SLC9A3: variants seen among roughly 807,000 people sequenced by gnomAD.
The protein encoded by SLC9A3 is sodium/hydrogen exchanger 3.
A neutral mutation model predicts 86.8 loss-of-function variants in SLC9A3; 37 were observed. The ratio of observed to expected loss-of-function variants is 0.43; its 90% CI spans 0.33 to 0.56. The LOEUF is 0.56. Ranked by LOEUF, SLC9A3 falls within the 20% of genes least tolerant of loss-of-function variation. SLC9A3 has a pLI of 0.06. For missense variants in SLC9A3, 1,011 were observed against 1,171.9 expected (o/e 0.86, Z 2.00); for synonymous variants, 581 against 528.3 (o/e 1.10, Z -1.37).
intron 1 of SLC9A3, among the ~76,000 whole-genome samples, chr5:523,604 TAAAAAAAAA>T (rs1280162903): frequency 2.8e-5 from 3 of 108,274 alleles, no homozygotes; most frequent in East Asian, 2.6e-4. Context: ...CGGGATTTTC[TAAAAAAAAA>T]AAAAAAAAAG....
Position 491,369 on chromosome 5 carries a change from C to T in SLC9A3, c.514+400G>A, listed in dbSNP as rs925811433. ...CTCCGGCTGTGGCTGCAGCGGTGGC[C>T]GAGCGGCTCCGGCACACAGGCTGGG... On this transcript the variant is annotated intron_variant, in intron 2 of 16. Transcript: ENST00000264938. The surrounding 1 kb of genome is among the most constrained non-coding windows in gnomAD (Gnocchi z 9.2). Among the ~76,000 whole-genome samples, 7 of 152,112 alleles carry T rather than the reference C, an allele frequency of 4.6e-5. No homozygotes were observed. The highest frequency in any genetic ancestry group is 1.9e-4 in the East Asian group (1 of 5,192).
rs1368832405 is a variant in SLC9A3, at chr5:473,330, A to G, written c.*49T>C. On this transcript the variant is annotated 3_prime_UTR_variant, in exon 17 of 17. Coordinates refer to ENST00000264938, the MANE Select transcript of SLC9A3 (RefSeq NM_004174.4). ...GGACAGCGGCGGCGGCGGTGGGCGGACCGTGGCGCGGGGACGAGCGGCCGG... is the reference window on the plus strand; with the variant it reads ...GGACAGCGGCGGCGGCGGTGGGCGGGCCGTGGCGCGGGGACGAGCGGCCGG... 11 of 1,406,834 alleles carry G rather than the reference A, an allele frequency of 7.8e-6. No individual in the cohort carries two copies. Among genetic ancestry groups the G allele is most frequent in the African/African-American group, 6.0e-5 (4 of 66,766 alleles). The allele number at this position is 1,406,834 out of a possible 1,614,324, so 87.1% of individuals were successfully genotyped here. A position where few individuals can be genotyped will look rare whatever the true frequency, so the allele number is the denominator to read the frequency against.
In SLC9A3 at chr5:480,289, G is replaced by A. The variant is rs529793790; in HGVS notation, c.1518-324C>T. On this transcript the variant is annotated intron_variant, in intron 9 of 16. Transcript: ENST00000264938. ...GCACCTTCAGGTGCACAGGAGGAAG[G>A]GCAGGGGCGGACAGACACCCTGAGC... The A allele has an allele frequency of 8.3e-5, 23 of 277,636 alleles. 1 individual carries two copies. The South Asian group carries it at 1.1e-3, about 13-fold the overall frequency. The allele number at this position is 277,636 out of a possible 1,614,324, so 17.2% of individuals were successfully genotyped here.
Position 482,678 on chromosome 5 carries a change from A to G in SLC9A3, c.1226T>C (p.Leu409Pro). The G allele has an allele frequency of 1.2e-6, 2 of 1,612,572 alleles. No individual in the cohort carries two copies. The highest frequency in any genetic ancestry group is 1.7e-6 in the Non-Finnish European group (2 of 1,179,850). ...VQLEPIDQVV[L>P]SYGGLRGAVA... The stretch of plus-strand genomic sequence containing the variant: ...GGCCCCGCGCAGGCCCCCGTAGGAC[A>G]GGACCACCTGGTCAATGGGCTCCAG... Residue 409 changes from leucine to proline, a missense_variant, in exon 7 of 17, where the codon CTG (leucine) becomes CCG (proline). This residue lies in a region of SLC9A3 where 565 missense variants were observed against 790.0 expected (regional missense o/e 0.72). Coordinates refer to ENST00000264938, the MANE Select transcript of SLC9A3 (RefSeq NM_004174.4).
At position 481,615 on chromosome 5, in the gene SLC9A3, C is replaced by T. The variant is rs146433621; in HGVS notation, c.1467G>A (p.Ser489=). The T allele has an allele frequency of 2.6e-4, 416 of 1,614,006 alleles. No homozygotes were observed. In the African/African-American group the frequency reaches 4.3e-3, roughly 17 times the overall value. Residue 489 remains serine, a synonymous_variant, in exon 9 of 17, where the codon TCG becomes TCA. Transcript: ENST00000264938. ...TCTGTCCGGATATGTCCTCGATGGC[C>T]GAGAGGATGTGGTCGAAAGCCTTTC... ...LHGRAFDHIL[S]AIEDISGQIG... is the part of the protein sequence containing the mutation.
At chr5:507,972 G>A (rs1042990835) in intron 1 of SLC9A3, among the ~76,000 whole-genome samples, 5 of 150,162 alleles carry the variant, frequency 3.3e-5, no homozygotes, top group Non-Finnish European at 5.9e-5. Context: ...CCACCCCACA[G>A]ACGCCCGAAT....
Position 524,143 on chromosome 5 carries a change from G to A in SLC9A3, c.180C>T (p.Leu60=). 1.3e-6 allele frequency: 2 copies of A among 1,537,994 alleles called. No homozygotes were observed. Among genetic ancestry groups the A allele is most frequent in the Non-Finnish European group, 1.7e-6 (2 of 1,144,250 alleles). The stretch of plus-strand genomic sequence containing the variant: ...TGGCCAAGCTGGCCACGAGGATCCA[G>A]AGCGCGATGACGTAGGGATCCTGCA... ...AHVQDPYVIA[L]WILVASLAKI... The change falls in exon 1 of 17, where the codon CTC becomes CTT. Residue 60 remains leucine, a synonymous_variant. Transcript: ENST00000264938.
Position 497,402 on chromosome 5 carries a change from C to A in SLC9A3, c.212-5331G>T, listed in dbSNP as rs1466788625. Among the ~76,000 whole-genome samples, 3 of 152,160 alleles carry A rather than the reference C, an allele frequency of 2.0e-5. No individual in the cohort carries two copies. The highest frequency in any genetic ancestry group is 2.0e-4 in the Admixed American group (3 of 15,268). On this transcript the variant is annotated intron_variant, in intron 1 of 16. Coordinates refer to ENST00000264938, the MANE Select transcript of SLC9A3 (RefSeq NM_004174.4). This position sits in a 1 kb window ranked among gnomAD's most constrained non-coding sequence, Gnocchi z 5.4. ...TCTTCCCTTGACAGCTGGCGTCCAC[C>A]CTCGAGCATTTGCGAATGTCAGGCT... is the stretch of plus-strand genomic sequence containing the variant.
rs1315257940 is a variant in SLC9A3, at chr5:507,092, AT to A, written c.212-15022del. The stretch of plus-strand genomic sequence containing the variant: ...ACTGTCTCAAAAAATAAATAAATAA[AT>A]AAATAAATAAATAAATAAATAAATA... On this transcript the variant is annotated intron_variant, in intron 1 of 16. Transcript: ENST00000264938. Among the ~76,000 whole-genome samples the A allele has an allele frequency of 3.3e-4, 46 of 139,948 alleles. 1 individual carries two copies. Among genetic ancestry groups the A allele is most frequent in the South Asian group, 1.9e-3 (9 of 4,664 alleles). 91.8% of individuals were successfully genotyped at this position (139,948 alleles called of 152,430 possible). A position where few individuals can be genotyped will look rare whatever the true frequency, so the allele number is the denominator to read the frequency against.
At chr5:518,776 G>A (rs1733805856) in intron 1 of SLC9A3, among the ~76,000 whole-genome samples, 1 of 152,190 alleles carries the variant, frequency 6.6e-6, no homozygotes, top group Admixed American at 6.5e-5. Flanking sequence ...TAACAAGCCT[G>A]TGTGGTCACA....
chr5:485,736 G>A (rs1413029925), intron 3 of SLC9A3, among the ~76,000 whole-genome samples: 1 of 152,248 alleles, frequency 6.6e-6, no homozygotes, highest in Non-Finnish European at 1.5e-5. Flanking sequence ...CGTCCTGGGT[G>A]GGCCGAGGCC....
chr5:520,206 C>T (rs531502205), intron 1 of SLC9A3, among the ~76,000 whole-genome samples: 19 of 152,318 alleles, frequency 1.2e-4, no homozygotes, highest in Middle Eastern at 3.4e-3. Context: ...ACCTCCTGTG[C>T]GTCCACGACC....
chr5:475,718 T>A, intron 14 of SLC9A3, 47 bp from the exon 15 acceptor site: 1 of 1,057,112 alleles, frequency 9.5e-7, no homozygotes, highest in Non-Finnish European at 1.4e-6. Context: ...TGGGGGGCTG[T>A]CCTCACAGCC....
In SLC9A3 at chr5:476,073, T is replaced by C. The variant is rs372062509; in HGVS notation, c.2087A>G (p.Asn696Ser). Residue 696 changes from asparagine to serine, a missense_variant, in exon 14 of 17, where the codon AAT becomes AGT. This residue lies in a region of SLC9A3 where 397 missense variants were observed against 346.3 expected (regional missense o/e 1.15). Transcript: ENST00000264938. ...AGGGCTCTCCATGGGCAGCTTCCCA[T>C]TGGGGATGCTGCTGTTTCTCTGCGG... Reference protein sequence around the residue: ...AQKRRNSSIPNGKLPMESPAQ... With the variant: ...AQKRRNSSIPSGKLPMESPAQ... The C allele has an allele frequency of 6.2e-5, 100 of 1,613,346 alleles. No homozygotes were observed. Among genetic ancestry groups the C allele is most frequent in the Admixed American group, 1.0e-4 (6 of 59,992 alleles).
intron 16 of SLC9A3, 140 bp from the exon 17 acceptor site, chr5:473,522 G>A (rs1738519217): frequency 1.6e-6 from 1 of 640,674 alleles, no homozygotes; most frequent in Non-Finnish European, 2.2e-6. Flanking sequence ...GGCGTCCGCT[G>A]GGGCCTCCTC....
intron 1 of SLC9A3, among the ~76,000 whole-genome samples, chr5:522,215 T>C (rs914607361): frequency 2.0e-5 from 3 of 152,224 alleles, no homozygotes; most frequent in Non-Finnish European, 4.4e-5. Flanking sequence ...GGGGAGTTGC[T>C]GCTGGAGCCG....
chr5:473,242 T>TGGGCG lies in SLC9A3; in HGVS notation c.*132_*136dup, dbSNP rs1738494128. 3 of 976,402 alleles carry TGGGCG rather than the reference T, an allele frequency of 3.1e-6. No individual in the cohort carries two copies. Among genetic ancestry groups the TGGGCG allele is most frequent in the East Asian group, 3.4e-5 (1 of 29,150 alleles). The allele number at this position is 976,402 out of a possible 1,614,324, so 60.5% of individuals were successfully genotyped here. ...TCGGAGTTCTGCGCAGGCGCTGGCGTGGGCGAGGCGGGGCTCGGGGCTCGC... is the reference window on the plus strand; with the variant it reads ...TCGGAGTTCTGCGCAGGCGCTGGCGTGGGCGGGGCGAGGCGGGGCTCGGGGCTCGC... On this transcript the variant is annotated 3_prime_UTR_variant, in exon 17 of 17. Transcript: ENST00000264938.
rs558720750 is a variant in SLC9A3, at chr5:492,027, C to T, written c.256G>A (p.Ala86Thr). Residue 86 changes from alanine to threonine, a missense_variant, in exon 2 of 17, where the codon GCC becomes ACC. Coordinates refer to ENST00000264938, the MANE Select transcript of SLC9A3 (RefSeq NM_004174.4). The part of the protein sequence containing the change: ...HKVTSVVPES[A>T]LLIVLGLVLG... ...ACCAGGCCCAGCACGATGAGCAGGG[C>T]GCTCTCGGGAACCACGCTGGTGACC... 54 of 1,567,270 alleles carry T rather than the reference C, an allele frequency of 3.4e-5. No individual in the cohort carries two copies. Among genetic ancestry groups the T allele is most frequent in the South Asian group, 1.7e-4 (15 of 86,026 alleles).
rs189751008 is a variant in SLC9A3 at position 506,325 on chromosome 5, G to A, written c.212-14254C>T. ...CCCGAGACGGGGGCTGGAGACGCGCGGAACCCGGGCTGCGGAGAGGGTGCT... is the reference window on the plus strand; with the variant it reads ...CCCGAGACGGGGGCTGGAGACGCGCAGAACCCGGGCTGCGGAGAGGGTGCT... On this transcript the variant is annotated intron_variant, in intron 1 of 16. Transcript: ENST00000264938. 5.3e-5 allele frequency among the ~76,000 whole-genome samples: 8 copies of A among 152,304 alleles called. No homozygotes were observed. The East Asian group carries it at 1.3e-3, about 26-fold the overall frequency.
Sources: allele counts gnomAD v4.1 joint callset (sites outside exome capture counted in the v4.1 genomes callset), GRCh38; gene constraint gnomAD v4.1.1; regional missense constraint gnomAD v4.1.1; non-coding constraint Gnocchi (gnomAD v3.1); transcripts MANE v1.5; gene names NCBI Gene and HGNC (gene_info 2026-07-23, HGNC 2026-07-21).